The following FAAP20 variants were observed in gnomAD, a reference collection of about 807,000 sequenced individuals.
The protein encoded by FAAP20 is FA core complex associated protein 20.
FAAP20 carries 12 observed loss-of-function variants against 16.2 expected under a neutral mutation model. The ratio of observed to expected loss-of-function variants is 0.74; its 90% CI spans 0.48 to 1.20. The LOEUF (loss-of-function observed/expected upper bound fraction) is 1.20. FAAP20 is among the 50% of genes most tolerant of loss of function. The pLI is 0.00. For missense variants in FAAP20, 288 were observed against 245.8 expected, an observed-to-expected ratio of 1.17 and a Z score of -1.15; for synonymous variants, 141 against 110.7, an observed-to-expected ratio of 1.27 and a Z score of -1.72.
At chr1:2,198,003 A>C (rs553722783), upstream of FAAP20, 1 of 1,287,720 alleles carries the variant, frequency 7.8e-7, no homozygotes, top group Non-Finnish European at 1.0e-6. Flanking sequence ...TCCAACAAAC[A>C]TACCTTGTCC....
chr1:2,192,988 G>A (rs1447798335), intron 3 of FAAP20: 2 of 1,303,952 alleles, frequency 1.5e-6, no homozygotes, highest in Non-Finnish European at 1.0e-6. Context: ...GGAAGACCAG[G>A]GGCATCAGGC....
At chr1:2,188,174 C>G (rs1687782718), downstream of FAAP20, among the ~76,000 whole-genome samples, 1 of 152,226 alleles carries the variant, frequency 6.6e-6, no homozygotes, top group South Asian at 2.1e-4. Flanking sequence ...GCCCGCAAAG[C>G]CCGGCTCTCC....
At position 2,194,086 on chromosome 1, in the gene FAAP20, T is replaced by C. The variant is rs748960490; in HGVS notation, c.110A>G (p.Glu37Gly). The change falls in exon 2 of 4, where the codon GAG (glutamate) becomes GGG (glycine). Residue 37 changes from glutamate (E) to glycine (G), a missense_variant. Glu to Gly is a moderately conservative substitution (Grantham distance 98, BLOSUM62 -2). Transcript: ENST00000378546. ...PWFLLGGDER[E>G]RLWAELLRTV... is the part of the protein sequence containing the mutation. ...GCGCAGTAGCTCGGCCCAGAGCCGCTCCCGCTCATCACCCCCCAGGAGAAA... is the reference window on the plus strand; with the variant it reads ...GCGCAGTAGCTCGGCCCAGAGCCGCCCCCGCTCATCACCCCCCAGGAGAAA... 1 of 1,612,148 alleles carries C rather than the reference T, an allele frequency of 6.2e-7. No individual in the cohort carries two copies.
chr1:2,204,397 G>C (rs997008553), upstream of FAAP20, among the ~76,000 whole-genome samples: 2 of 152,246 alleles, frequency 1.3e-5, no homozygotes, highest in African/African-American at 2.4e-5. Flanking sequence ...CCCTGGGGAC[G>C]GTCAGTTCTC....
upstream of FAAP20, chr1:2,200,453 T>C (rs1373513687): frequency 1.1e-5 from 2 of 175,886 alleles, no homozygotes; most frequent in Non-Finnish European, 2.2e-5. Context: ...GAAGGAGGCT[T>C]TGGGGTTGGG....
chr1:2,192,847 G>A, intron 3 of FAAP20: 1 of 1,261,964 alleles, frequency 7.9e-7, no homozygotes, highest in South Asian at 1.2e-5. Flanking sequence ...CAACCCACCT[G>A]CCTCAGCCTC....
At chr1:2,190,669 C>A in intron 3 of FAAP20, 1 of 342,144 alleles carries the variant, frequency 2.9e-6, no homozygotes, top group South Asian at 2.2e-5. Flanking sequence ...TGGGCGGCTT[C>A]AGCCTAGACT....
chr1:2,207,001 C>T (rs1156648666), intron 1 of FAAP20, among the ~76,000 whole-genome samples: 2 of 152,144 alleles, frequency 1.3e-5, no homozygotes, highest in Non-Finnish European at 2.9e-5. Context: ...AACCCGAAAA[C>T]ACGGCAAGGT....
upstream of FAAP20, chr1:2,201,375 C>T (rs560123589): frequency 9.5e-5 from 47 of 495,970 alleles, no homozygotes; most frequent in African/African-American, 7.9e-4. Flanking sequence ...AAGGCACCGC[C>T]GGGGGCTTAG....
At chr1:2,194,784 C>G, upstream of FAAP20, 11 of 1,138,638 alleles carry the variant, frequency 9.7e-6, no homozygotes, top group Non-Finnish European at 1.2e-5. Context: ...AGCGCAAGCC[C>G]CGCCCCCGCC....
chr1:2,198,398 C>G, upstream of FAAP20: 1 of 375,410 alleles, frequency 2.7e-6, no homozygotes, highest in Non-Finnish European at 4.9e-6. Flanking sequence ...TGAATCAGGC[C>G]CCAGCCCACT....
In FAAP20 at chr1:2,189,820, G is replaced by C. The variant is rs183100575; in HGVS notation, c.471-39C>G. 351 of 1,497,766 alleles carry C rather than the reference G, an allele frequency of 2.3e-4. 1 individual carries two copies. Among genetic ancestry groups the C allele is most frequent in the Non-Finnish European group, 2.6e-4 (285 of 1,075,538 alleles). The allele number at this position is 1,497,766 out of a possible 1,614,324, so 92.8% of individuals were successfully genotyped here. On this transcript the variant is annotated intron_variant, in intron 3 of 3. Coordinates refer to ENST00000378546, the MANE Select transcript of FAAP20 (RefSeq NM_182533.4). ...GCCACACTCACTCGGCCACCTCCGCGGCATGCTGGCCGCAGAGAGCACCGT... is the reference window on the plus strand; with the variant it reads ...GCCACACTCACTCGGCCACCTCCGCCGCATGCTGGCCGCAGAGAGCACCGT...
At chr1:2,192,175 G>A in intron 3 of FAAP20, 1 of 985,852 alleles carries the variant, frequency 1.0e-6, no homozygotes, top group Non-Finnish European at 1.2e-6. Context: ...GCGGTCAGGA[G>A]TCCCAGGGCA....
At chr1:2,192,351 A>T in intron 3 of FAAP20, 1 of 992,708 alleles carries the variant, frequency 1.0e-6, no homozygotes, top group Non-Finnish European at 1.2e-6. Flanking sequence ...AGACACACCA[A>T]GGCCTGGACC....
At chr1:2,192,296 G>A (rs1688320060) in intron 3 of FAAP20, 5 of 986,424 alleles carry the variant, frequency 5.1e-6, no homozygotes, top group African/African-American at 1.7e-5. Flanking sequence ...CCAAAGTACC[G>A]GCTCTCCCTT....
At chr1:2,188,251 C>T (rs1687788348), downstream of FAAP20, among the ~76,000 whole-genome samples, 2 of 152,232 alleles carry the variant, frequency 1.3e-5, no homozygotes, top group South Asian at 4.1e-4. Context: ...GTGCTCCACT[C>T]ACACTGTGAG....
downstream of FAAP20, among the ~76,000 whole-genome samples, chr1:2,212,017 C>G (rs898013465): frequency 1.3e-5 from 2 of 151,582 alleles, no homozygotes; most frequent in East Asian, 3.9e-4. Flanking sequence ...ATTCTCCTGC[C>G]TCAGCCTCCC....
chr1:2,184,521 C>T, downstream of FAAP20: 1 of 1,267,334 alleles, frequency 7.9e-7, no homozygotes. Flanking sequence ...GCGTGCAAAA[C>T]ACTCAATCTG....
downstream of FAAP20, chr1:2,185,028 C>T (rs762238962): frequency 1.1e-5 from 17 of 1,584,284 alleles, no homozygotes; most frequent in Middle Eastern, 1.7e-4. Context: ...GCGTCTCTGT[C>T]GTGGACACGC....
Sources: gnomAD v4.1 joint callset for allele counts (sites outside exome capture counted in the v4.1 genomes callset) on GRCh38, gnomAD v4.1.1 for gene constraint, MANE v1.5 for transcripts, NCBI Gene and HGNC (gene_info 2026-07-23, HGNC 2026-07-21) for gene names.